The following RETREG3 variants were observed in gnomAD, a reference collection of about 807,000 sequenced individuals.
The protein encoded by RETREG3 is reticulophagy regulator 3.
In RETREG3, 23 loss-of-function variants were observed where a neutral mutation model predicts 50.2. That is an observed-to-expected ratio of 0.46 (90% CI 0.33 to 0.65). The LOEUF (loss-of-function observed/expected upper bound fraction) is 0.65. Ranked by LOEUF, RETREG3 falls within the 30% of genes least tolerant of loss-of-function variation. The pLI is 0.02. For synonymous variants in RETREG3, 240 were observed against 234.4 expected (o/e 1.02, Z -0.22); for missense variants, 546 against 598.0 (o/e 0.91, Z 0.91).
chr17:42,592,135 A>C lies in RETREG3; in HGVS notation c.267T>G (p.Leu89=), dbSNP rs1464594773. 1.9e-6 allele frequency: 3 copies of C among 1,613,694 alleles called. No individual in the cohort carries two copies. In the African/African-American group the frequency reaches 4.0e-5, roughly 22 times the overall value. Residue 89 remains leucine (L), a synonymous_variant, in exon 2 of 9, where the codon CTT becomes CTG. Coordinates refer to ENST00000309428, the MANE Select transcript of RETREG3 (RefSeq NM_178126.4). ...TCAAGCCAAATGCAAGTAAAAACAC[A>C]AGACGAAGAGATGTCAGGGCAAAAA... ...FWFFALTSLR[L]VFLLAFGLMI...
chr17:42,588,515 C>T (rs947614138), intron 2 of RETREG3, among the ~76,000 whole-genome samples: 7 of 151,644 alleles, frequency 4.6e-5, no homozygotes, highest in Non-Finnish European at 8.8e-5. Flanking sequence ...GGATTACAGG[C>T]ACACGCCACC....
chr17:42,609,142 C>A lies in RETREG3; in HGVS notation c.183G>T (p.Val61=). The change falls in exon 1 of 9, where the codon GTG becomes GTT. Residue 61 remains valine, a synonymous_variant. Coordinates refer to ENST00000309428, the MANE Select transcript of RETREG3 (RefSeq NM_178126.4). ...GAGCGCTCCTAGCTGGCCGCTCCCACACCAGGGCTGCCTGCACCCGACTCA... is the reference window on the plus strand; with the variant it reads ...GAGCGCTCCTAGCTGGCCGCTCCCAAACCAGGGCTGCCTGCACCCGACTCA... ...PLLSRVQAAL[V]WERPARSALW... 6.2e-7 allele frequency: 1 copy of A among 1,610,080 alleles called. No individual in the cohort carries two copies. The highest frequency in any genetic ancestry group is 8.5e-7 in the Non-Finnish European group (1 of 1,179,912).
intron 1 of RETREG3, among the ~76,000 whole-genome samples, chr17:42,594,848 C>T (rs553498571): frequency 6.6e-6 from 1 of 151,696 alleles, no homozygotes; most frequent in East Asian, 1.9e-4. Flanking sequence ...GGAACTCCGT[C>T]TCAAAATAAA....
chr17:42,594,963 C>CTTT (rs777063995), intron 1 of RETREG3, among the ~76,000 whole-genome samples: 6 of 125,282 alleles, frequency 4.8e-5, no homozygotes, highest in South Asian at 2.6e-4. Flanking sequence ...TTTTTTTTTA[C>CTTT]TTTTTTTTTT....
At chr17:42,608,951 A>AG (rs1243370853) in intron 1 of RETREG3, 135 bp downstream of exon 1, 19 of 839,148 alleles carry the variant, frequency 2.3e-5, no homozygotes, top group Non-Finnish European at 3.5e-5. Context: ...ATGGAGTGGA[A>AG]GGAGGTGAGG....
intron 2 of RETREG3, among the ~76,000 whole-genome samples, chr17:42,590,902 G>A (rs1405676497): frequency 1.3e-5 from 2 of 152,210 alleles, no homozygotes; most frequent in African/African-American, 4.8e-5. Flanking sequence ...GGGAGGCGGA[G>A]GTTGCAGTGA....
intron 2 of RETREG3, 64 bp downstream of exon 2, chr17:42,591,992 A>G: frequency 3.6e-6 from 5 of 1,381,976 alleles, no homozygotes; most frequent in Non-Finnish European, 5.1e-6. Context: ...CCCTAATACT[A>G]AAGGTACAAA....
chr17:42,597,605 A>G (rs368237597), intron 1 of RETREG3, among the ~76,000 whole-genome samples: 4,122 of 16,092 alleles, frequency 0.26, 245 homozygotes, highest in Middle Eastern at 0.33. Context: ...ATATATATAT[A>G]TATATATATA....
In RETREG3 at chr17:42,581,806, C is replaced by T; in HGVS notation, c.*7G>A. On this transcript the variant is annotated 3_prime_UTR_variant, in exon 9 of 9. Transcript: ENST00000309428. ...AACCACAGTGACTCCCAAAAGGAGT[C>T]TCTGCCTCAGTGGCTCCTAGAACTG... 1 of 1,557,162 alleles carries T rather than the reference C, an allele frequency of 6.4e-7. No individual in the cohort carries two copies. Among genetic ancestry groups the T allele is most frequent in the Non-Finnish European group, 8.7e-7 (1 of 1,151,968 alleles).
intron 1 of RETREG3, among the ~76,000 whole-genome samples, chr17:42,593,537 C>T (rs1422360291): frequency 6.6e-6 from 1 of 151,396 alleles, no homozygotes; most frequent in East Asian, 2.0e-4. Context: ...GTAGTCCCAG[C>T]TGCTCGGGAG....
Position 42,586,117 on chromosome 17 carries a change from C to G in RETREG3, c.525G>C (p.Gly175=), listed in dbSNP as rs780769906. The G allele has an allele frequency of 6.2e-7, 1 of 1,614,002 alleles. No homozygotes were observed. The highest frequency in any genetic ancestry group is 1.1e-5 in the South Asian group (1 of 91,068). The change falls in exon 5 of 9, where the codon GGG becomes GGC. Residue 175 remains glycine, a synonymous_variant. Coordinates refer to ENST00000309428, the MANE Select transcript of RETREG3 (RefSeq NM_178126.4). The stretch of plus-strand genomic sequence containing the variant: ...CCAAGACAGCCAAAAAGGTCAGTAT[C>G]CCACAGCTCAGCAAGCAGAACTGGG... The part of the protein sequence containing the change: ...NPGKFCLLSC[G]ILTFLAVLGR...
At chr17:42,596,359 CAAAAAAAAAAAAAAAAAAAAAA>C (rs60457978) in intron 1 of RETREG3, among the ~76,000 whole-genome samples, 19 of 64,710 alleles carry the variant, frequency 2.9e-4, no homozygotes, top group East Asian at 2.1e-3. Context: ...GACCCTTTCT[CAAAAAAAAAAAAAAAAAAAAAA>C]AAAAAAAAAA....
intron 1 of RETREG3, among the ~76,000 whole-genome samples, chr17:42,602,753 G>A (rs924710335): frequency 6.6e-5 from 10 of 152,106 alleles, no homozygotes; most frequent in Non-Finnish European, 1.5e-4. Context: ...ACCAGCCTGG[G>A]CAACATGGTG....
At chr17:42,586,926 G>A in intron 3 of RETREG3, 35 bp from the exon 4 acceptor site, 4 of 1,607,818 alleles carry the variant, frequency 2.5e-6, no homozygotes, top group Non-Finnish European at 2.5e-6. Context: ...GTGAAAGGAG[G>A]GTGTTGAGGG....
intron 1 of RETREG3, chr17:42,599,125 C>T (rs2093153711): frequency 6.6e-6 from 1 of 152,110 alleles, no homozygotes; most frequent in Admixed American, 6.6e-5. Context: ...GAGAAAACAG[C>T]GATGCCATGT....
chr17:42,585,093 G>GT lies in RETREG3; in HGVS notation c.727+31dup, dbSNP rs574998681. On this transcript the variant is annotated intron_variant, in intron 6 of 8. Coordinates refer to ENST00000309428, the MANE Select transcript of RETREG3 (RefSeq NM_178126.4). ...GCTTCTCCTTTTCGCCCCAAATTGCGTAAGTGGAAAGAATGACACCATGAC... is the reference window on the plus strand; with the variant it reads ...GCTTCTCCTTTTCGCCCCAAATTGCGTTAAGTGGAAAGAATGACACCATGAC... The GT allele has an allele frequency of 1.2e-3, 2,004 of 1,605,812 alleles. 4 individuals are homozygous for GT. Among genetic ancestry groups the GT allele is most frequent in the Middle Eastern group, 4.8e-3 (29 of 6,050 alleles).
intron 1 of RETREG3, among the ~76,000 whole-genome samples, chr17:42,607,123 G>C (rs1169049493): frequency 4.6e-5 from 7 of 152,110 alleles, no homozygotes; most frequent in Non-Finnish European, 1.0e-4. Flanking sequence ...GAAATGTTTT[G>C]ACTGGATAAA....
At chr17:42,605,302 A>G (rs2093165905) in intron 1 of RETREG3, 1 of 152,124 alleles carries the variant, frequency 6.6e-6, no homozygotes, top group East Asian at 1.9e-4. Context: ...CTCAAAATGC[A>G]TAAAAATCTC....
chr17:42,592,658 A>G (rs2093135504), intron 1 of RETREG3, among the ~76,000 whole-genome samples: 1 of 152,240 alleles, frequency 6.6e-6, no homozygotes, highest in African/African-American at 2.4e-5. Context: ...GCTATATTGA[A>G]AAGCAAGTTC....
Sources: allele counts gnomAD v4.1 joint callset (sites outside exome capture counted in the v4.1 genomes callset), GRCh38; gene constraint gnomAD v4.1.1; transcripts MANE v1.5; gene names NCBI Gene and HGNC (gene_info 2026-07-23, HGNC 2026-07-21).